RBFOX1: variants seen among roughly 807,000 people sequenced by gnomAD.
RBFOX1 encodes the protein RNA binding fox-1 homolog 1, also known as RNA binding protein fox-1 homolog 1.
RBFOX1 carries 8 observed loss-of-function variants against 57.7 expected under a neutral mutation model. That is an observed-to-expected ratio of 0.14 (90% confidence interval 0.08 to 0.25). RBFOX1 has a LOEUF of 0.25. Among genes scored for constraint, RBFOX1 ranks in the 10% least tolerant of loss-of-function variants. RBFOX1 has a pLI of 1.00. For synonymous variants in RBFOX1, 326 were observed against 222.4 expected (o/e 1.47, Z -4.15); for missense variants, 611 against 548.5 (o/e 1.11, Z -1.14).
At chr16:6,780,210 TA>T (rs1567214309) in intron 3 of RBFOX1, among the ~76,000 whole-genome samples, 2 of 30,996 alleles carry the variant, frequency 6.5e-5, no homozygotes, top group Non-Finnish European at 9.3e-5. Context: ...TTTATATATT[TA>T]TATATATTTA....
intron 1 of RBFOX1, among the ~76,000 whole-genome samples, chr16:5,382,458 A>G (rs1378581662): frequency 1.3e-5 from 2 of 151,256 alleles, no homozygotes; most frequent in Non-Finnish European, 2.9e-5. Context: ...GCCTTCTGGT[A>G]TCTACATATA....
chr16:6,800,206 T>G (rs1057256344), intron 3 of RBFOX1, among the ~76,000 whole-genome samples: 2 of 145,848 alleles, frequency 1.4e-5, no homozygotes, highest in Admixed American at 1.3e-4. Context: ...GTCTTGCTGT[T>G]TTCCTGCCTC....
chr16:7,422,852 C>T (rs777252499), intron 4 of RBFOX1: 1 of 151,952 alleles, frequency 6.6e-6, no homozygotes, highest in Non-Finnish European at 1.5e-5. Context: ...TATTTTTTTT[C>T]TTTGCCATAT....
chr16:5,862,579 G>A (rs2057248622), intron 3 of RBFOX1, among the ~76,000 whole-genome samples: 1 of 152,178 alleles, frequency 6.6e-6, no homozygotes, highest in Non-Finnish European at 1.5e-5. Flanking sequence ...GAGCATTGCA[G>A]AGCTGTGCAG....
chr16:7,080,582 A>G (rs1010228173), intron 4 of RBFOX1, among the ~76,000 whole-genome samples: 2 of 151,932 alleles, frequency 1.3e-5, no homozygotes, highest in African/African-American at 4.8e-5. Context: ...TTCCTCAGCA[A>G]TTTGCTCTCT....
At chr16:7,167,064 C>A (rs947745206) in intron 4 of RBFOX1, among the ~76,000 whole-genome samples, 1 of 142,126 alleles carries the variant, frequency 7.0e-6, no homozygotes, top group Non-Finnish European at 1.5e-5. Flanking sequence ...CAGCTCGCTG[C>A]AACCTCCGTC....
In RBFOX1 at chr16:5,905,539, G is replaced by T. The variant is rs111640999; in HGVS notation, c.351+38204G>T. ...CCAGCTTGGAAAACATGTTGAAACC[G>T]AATCTCTACAAAAAAATGCAAAAAC... On this transcript the variant is annotated intron_variant, in intron 4 of 19. Coordinates refer to the RBFOX1 transcript ENST00000641259. Among the ~76,000 whole-genome samples, 861 of 152,132 alleles carry T rather than the reference G, an allele frequency of 5.7e-3. 9 individuals carry two copies. The highest frequency in any genetic ancestry group is 0.02 in the African/African-American group (823 of 41,502).
intron 3 of RBFOX1, among the ~76,000 whole-genome samples, chr16:5,791,642 A>G (rs114841826): frequency 1.5e-3 from 227 of 152,314 alleles, no homozygotes; most frequent in African/African-American, 5.4e-3. Flanking sequence ...CACTATAGCA[A>G]GTATTAGAGC....
chr16:6,271,193 G>T (rs1345356485), intron 1 of RBFOX1, among the ~76,000 whole-genome samples: 1 of 152,186 alleles, frequency 6.6e-6, no homozygotes, highest in Non-Finnish European at 1.5e-5. Context: ...GGAGGCCGAG[G>T]TGGGCAGATC....
At chr16:5,709,839 A>ATT in intron 3 of RBFOX1, among the ~76,000 whole-genome samples, 1 of 6,526 alleles carries the variant, frequency 1.5e-4, no homozygotes, top group Non-Finnish European at 3.6e-4. Context: ...ATATATATAT[A>ATT]TATATTTTTT....
At chr16:6,452,900 A>G (rs967717574) in intron 2 of RBFOX1, among the ~76,000 whole-genome samples, 2 of 152,186 alleles carry the variant, frequency 1.3e-5, no homozygotes, top group Non-Finnish European at 2.9e-5. Flanking sequence ...CCCTTAGCAC[A>G]CAGCTTTGCA....
At chr16:5,524,738 A>C (rs938177970) in intron 2 of RBFOX1, among the ~76,000 whole-genome samples, 1 of 151,816 alleles carries the variant, frequency 6.6e-6, no homozygotes, top group Non-Finnish European at 1.5e-5. Flanking sequence ...ACAGGGTTTC[A>C]CCGTGTTGGC....
At chr16:6,401,284 C>G (rs1227240591) in intron 2 of RBFOX1, among the ~76,000 whole-genome samples, 1 of 152,150 alleles carries the variant, frequency 6.6e-6, no homozygotes, top group Non-Finnish European at 1.5e-5. Flanking sequence ...TAAATAATAG[C>G]AAGAGATTGG....
chr16:6,006,810 G>C (rs1243810543), intron 4 of RBFOX1, among the ~76,000 whole-genome samples: 1 of 152,230 alleles, frequency 6.6e-6, no homozygotes, highest in African/African-American at 2.4e-5. Context: ...GTGGAAATGA[G>C]GGGAACCTAA....
intron 2 of RBFOX1, among the ~76,000 whole-genome samples, chr16:6,647,984 C>T (rs141122915): frequency 0.014 from 2,163 of 152,160 alleles, 62 homozygotes; most frequent in African/African-American, 0.049. Context: ...TGGAATTACA[C>T]GTGTGTGCCA....
At chr16:6,060,105 C>G (rs2095663675) in intron 1 of RBFOX1, among the ~76,000 whole-genome samples, 2 of 124,578 alleles carry the variant, frequency 1.6e-5, no homozygotes, top group Non-Finnish European at 3.3e-5. Context: ...TCATTTGGCC[C>G]TAAAATTAGG....
chr16:7,008,454 C>G (rs1358905309), intron 3 of RBFOX1, among the ~76,000 whole-genome samples: 2 of 151,866 alleles, frequency 1.3e-5, no homozygotes, highest in South Asian at 2.1e-4. Context: ...GCAGCAGAAT[C>G]GCTTGAACCT....
intron 2 of RBFOX1, among the ~76,000 whole-genome samples, chr16:6,550,829 G>A (rs1220089993): frequency 2.0e-5 from 3 of 152,190 alleles, no homozygotes; most frequent in Non-Finnish European, 4.4e-5. Context: ...ACTTCACATT[G>A]ATTAGAACAA....
At chr16:6,821,912 C>T (rs1461548711) in intron 3 of RBFOX1, among the ~76,000 whole-genome samples, 1 of 152,032 alleles carries the variant, frequency 6.6e-6, no homozygotes, top group African/African-American at 2.4e-5. Flanking sequence ...ATGGTTTAAC[C>T]CTTTGAGGAA....
Sources: gnomAD v4.1 joint callset for allele counts (sites outside exome capture counted in the v4.1 genomes callset) on GRCh38, gnomAD v4.1.1 for gene constraint, MANE v1.5 for transcripts, NCBI Gene and HGNC (gene_info 2026-07-23, HGNC 2026-07-21) for gene names.